PDE10A: variants seen among roughly 807,000 people sequenced by gnomAD.
The protein encoded by PDE10A is phosphodiesterase 10A.
In PDE10A, 39 loss-of-function variants were observed where a neutral mutation model predicts 97.7. That is an observed-to-expected ratio of 0.40 (90% confidence interval 0.31 to 0.52). The LOEUF is 0.52. Among genes scored for constraint, PDE10A ranks in the 20% least tolerant of loss-of-function variants. The pLI is 0.56. For missense variants in PDE10A, 731 were observed against 1,047.8 expected (o/e 0.70, Z 4.17); for synonymous variants, 371 against 376.8 (o/e 0.98, Z 0.18).
chr6:165,825,619 C>T (rs769782325), intron 1 of PDE10A, among the ~76,000 whole-genome samples: 23 of 152,200 alleles, frequency 1.5e-4, no homozygotes, highest in South Asian at 4.1e-4. Flanking sequence ...AGCCAAATGC[C>T]CAAAAGTTGG....
chr6:165,961,925 C>A (rs996400554), intron 1 of PDE10A, among the ~76,000 whole-genome samples: 4 of 152,252 alleles, frequency 2.6e-5, no homozygotes, highest in Non-Finnish European at 4.4e-5. Context: ...ACCCAAGTCA[C>A]CAACTGGCGT....
chr6:165,391,359 T>G (rs1785700385), intron 16 of PDE10A, among the ~76,000 whole-genome samples: 2 of 152,206 alleles, frequency 1.3e-5, no homozygotes, highest in South Asian at 2.1e-4. Context: ...TCAACAAAGT[T>G]TTTCTCACTT....
rs930559865 is a variant in PDE10A at position 165,459,594 on chromosome 6, T to A, written c.1024-9232A>T. Among the ~76,000 whole-genome samples, 9 of 147,362 alleles carry A rather than the reference T, an allele frequency of 6.1e-5. No homozygotes were observed. In the East Asian group the frequency reaches 8.0e-4, roughly 13 times the overall value. Reference sequence around the variant, plus strand: ...ATAATGATAGATATATATATATATATAATATAGATAATGATTGCAGATTTG... The same window carrying A: ...ATAATGATAGATATATATATATATAAAATATAGATAATGATTGCAGATTTG... On this transcript the variant is annotated intron_variant, in intron 3 of 21. Coordinates refer to ENST00000539869, the MANE Select transcript of PDE10A (RefSeq NM_001385079.1).
intron 10 of PDE10A, among the ~76,000 whole-genome samples, chr6:165,425,770 C>CGTGT (rs57229720): frequency 0.015 from 2,192 of 144,090 alleles, 20 homozygotes; most frequent in South Asian, 0.021. Context: ...AAGGCATGAT[C>CGTGT]GTGTGTGTGT....
At position 165,798,077 on chromosome 6, in the gene PDE10A, T is replaced by A. The variant is rs571072761; in HGVS notation, c.-615+189452A>T. Among the ~76,000 whole-genome samples the A allele has an allele frequency of 6.6e-5, 10 of 152,340 alleles. No homozygotes were observed. The South Asian group carries it at 1.9e-3, about 28-fold the overall frequency. On this transcript the variant is annotated intron_variant, in intron 1 of 19. Coordinates refer to the PDE10A transcript ENST00000366882. ...ATTGAAGGGCTGCAGTGCGCTACTC[T>A]TTAAAACATACTTGAATATATTTAA...
chr6:165,614,964 C>A (rs1440461218), intron 1 of PDE10A, among the ~76,000 whole-genome samples: 1 of 152,010 alleles, frequency 6.6e-6, no homozygotes, highest in Non-Finnish European at 1.5e-5. Flanking sequence ...GTAATACTAG[C>A]ACTCTGTGAG....
In PDE10A at chr6:165,603,001, G is replaced by A. The variant is rs147406830; in HGVS notation, c.865+58946C>T. On this transcript the variant is annotated intron_variant, in intron 1 of 21. Coordinates refer to ENST00000539869, the MANE Select transcript of PDE10A (RefSeq NM_001385079.1). ...ATCAGAGTTCTTTTCCCCACAATACGAAAGCAAAATTAGGTTAAATTTTAG... is the reference window on the plus strand; with the variant it reads ...ATCAGAGTTCTTTTCCCCACAATACAAAAGCAAAATTAGGTTAAATTTTAG... Among the ~76,000 whole-genome samples, 213 of 152,062 alleles carry A rather than the reference G, an allele frequency of 1.4e-3. 1 individual carries two copies. The highest frequency in any genetic ancestry group is 4.7e-3 in the African/African-American group (197 of 41,480).
intron 1 of PDE10A, among the ~76,000 whole-genome samples, chr6:165,755,673 A>G (rs185316941): frequency 2.6e-5 from 4 of 152,250 alleles, no homozygotes; most frequent in Non-Finnish European, 5.9e-5. Flanking sequence ...ACACTGAGGG[A>G]TGTTTGTAGG....
intron 1 of PDE10A, among the ~76,000 whole-genome samples, chr6:165,952,891 C>G (rs1784013090): frequency 6.6e-6 from 1 of 151,540 alleles, no homozygotes; most frequent in South Asian, 2.1e-4. Flanking sequence ...CATTCCTAAC[C>G]AAAAGTAGTT....
chr6:165,512,185 T>C lies in PDE10A; in HGVS notation c.995-29842A>G, dbSNP rs1472092906. 2.0e-5 allele frequency among the ~76,000 whole-genome samples: 3 copies of C among 151,964 alleles called. No homozygotes were observed. In the East Asian group the frequency reaches 5.8e-4, roughly 29 times the overall value. ...CCTTTCTCTTTCTGATTTCTGTGTT[T>C]GCTTTACCAGTGAGTTTTATACTTT... On this transcript the variant is annotated intron_variant, in intron 2 of 21. Coordinates refer to ENST00000539869, the MANE Select transcript of PDE10A (RefSeq NM_001385079.1).
chr6:165,675,818 T>C (rs2128437959), intron 1 of PDE10A, among the ~76,000 whole-genome samples: 1 of 152,350 alleles, frequency 6.6e-6, no homozygotes, highest in South Asian at 2.1e-4. Context: ...ACATATATTC[T>C]AGAATGGAAA....
chr6:165,563,876 G>A (rs1057008402), intron 1 of PDE10A, among the ~76,000 whole-genome samples: 2 of 149,748 alleles, frequency 1.3e-5, no homozygotes, highest in Admixed American at 6.6e-5. Flanking sequence ...GGGCGACAGA[G>A]GGAGACTGTC....
intron 1 of PDE10A, among the ~76,000 whole-genome samples, chr6:165,952,927 G>C (rs1213902151): frequency 6.6e-6 from 1 of 151,940 alleles, no homozygotes. Context: ...TCTCATGAGT[G>C]TGAAACTGCC....
intron 1 of PDE10A, among the ~76,000 whole-genome samples, chr6:165,857,696 TCCG>T (rs1780781600): frequency 7.3e-6 from 1 of 136,868 alleles, no homozygotes; most frequent in African/African-American, 2.8e-5. Context: ...TTTCAACAGT[TCCG>T]TGTGTGTGTG....
intron 2 of PDE10A, among the ~76,000 whole-genome samples, chr6:165,513,057 G>A (rs548178758): frequency 6.6e-6 from 1 of 152,026 alleles, no homozygotes; most frequent in South Asian, 2.1e-4. Context: ...CAAGTTCTTA[G>A]TGAACTACAA....
chr6:165,491,295 TG>T (rs1412028742), intron 2 of PDE10A, among the ~76,000 whole-genome samples: 1 of 152,088 alleles, frequency 6.6e-6, no homozygotes, highest in Non-Finnish European at 1.5e-5. Context: ...ACAGTAATAG[TG>T]GGGGACTTCA....
At chr6:165,635,504 C>A (rs1788832417) in intron 1 of PDE10A, among the ~76,000 whole-genome samples, 1 of 151,996 alleles carries the variant, frequency 6.6e-6, no homozygotes, top group Admixed American at 6.6e-5. Flanking sequence ...TGTGCATGCA[C>A]GCGTGCACGA....
chr6:165,601,930 T>C (rs1230701567), intron 1 of PDE10A, among the ~76,000 whole-genome samples: 1 of 152,186 alleles, frequency 6.6e-6, no homozygotes, highest in Non-Finnish European at 1.5e-5. Flanking sequence ...CTATGCCAGA[T>C]GACAAAGAGC....
chr6:165,379,386 A>C lies in PDE10A; in HGVS notation c.2611-20T>G. The C allele has an allele frequency of 6.3e-7, 1 of 1,585,722 alleles. No individual in the cohort carries two copies. Among genetic ancestry groups the C allele is most frequent in the Non-Finnish European group, 8.6e-7 (1 of 1,160,948 alleles). On this transcript the variant is annotated intron_variant, in intron 17 of 21. Coordinates refer to ENST00000539869, the MANE Select transcript of PDE10A (RefSeq NM_001385079.1). ...TTCCAACTAGGGAAAAAATACAAAT[A>C]AAAACCACCAATAACAAGCACAAGC...
Sources: allele counts gnomAD v4.1 joint callset (sites outside exome capture counted in the v4.1 genomes callset), GRCh38; gene constraint gnomAD v4.1.1; transcripts MANE v1.5; gene names NCBI Gene and HGNC (gene_info 2026-07-23, HGNC 2026-07-21).